Variants in DOCK2 observed in about 807,000 individuals in gnomAD.
DOCK2 encodes the protein dedicator of cytokinesis protein 2.
Under a neutral mutation model 248.9 loss-of-function variants are expected in DOCK2, and 87 were observed. That is an observed-to-expected ratio of 0.35 (90% CI 0.29 to 0.42). DOCK2 has a LOEUF of 0.42. Among genes scored for constraint, DOCK2 ranks in the 10% least tolerant of loss-of-function variants. The pLI, the probability that DOCK2 is intolerant of heterozygous loss-of-function variation, is 1.00. For missense variants in DOCK2, 1,747 were observed against 2,300.2 expected, an observed-to-expected ratio of 0.76 and a Z score of 4.92; for synonymous variants, 805 against 821.6, an observed-to-expected ratio of 0.98 and a Z score of 0.35.
rs146686394 is a variant in DOCK2, at chr5:169,705,173, C to CA, written c.1383+2750dup. Among the ~76,000 whole-genome samples, 998 of 152,164 alleles carry CA rather than the reference C, an allele frequency of 6.6e-3. 13 individuals carry two copies. Among genetic ancestry groups the CA allele is most frequent in the African/African-American group, 0.023 (953 of 41,522 alleles). ...GTGAGACCCTTTCTCAACAAACAGACAAAACACGCCATAGGTATAAGGCAC... is the reference window on the plus strand; with the variant it reads ...GTGAGACCCTTTCTCAACAAACAGACAAAAACACGCCATAGGTATAAGGCAC... On this transcript the variant is annotated intron_variant, in intron 14 of 51. Coordinates refer to ENST00000520908, the MANE Select transcript of DOCK2 (RefSeq NM_004946.3).
intron 30 of DOCK2, among the ~76,000 whole-genome samples, chr5:169,998,705 A>C (rs1049633069): frequency 4.6e-5 from 7 of 152,226 alleles, no homozygotes; most frequent in Non-Finnish European, 1.0e-4. Flanking sequence ...GGTGGCTGAC[A>C]CCAAAGCCCA....
At chr5:169,656,428 A>C (rs538904639) in intron 2 of DOCK2, among the ~76,000 whole-genome samples, 1 of 151,682 alleles carries the variant, frequency 6.6e-6, no homozygotes, top group East Asian at 1.9e-4. Flanking sequence ...GATTCAACTG[A>C]TTCTTGCGCC....
rs78179743 is a variant in DOCK2 at position 169,772,561 on chromosome 5, C to T, written c.2554+10936C>T. On this transcript the variant is annotated intron_variant, in intron 25 of 51. Transcript: ENST00000520908. ...CTCATTTAGTGCACAGTTGTGAGAT[C>T]TTGGGCATGTCCCTTAACCTCTGTA... is the stretch of plus-strand genomic sequence containing the variant. Among the ~76,000 whole-genome samples the T allele has an allele frequency of 5.9e-5, 9 of 152,298 alleles. No homozygotes were observed. The East Asian group carries it at 1.4e-3, about 23-fold the overall frequency.
chr5:169,775,156 C>A (rs1191790355), intron 25 of DOCK2, among the ~76,000 whole-genome samples: 14 of 152,118 alleles, frequency 9.2e-5, no homozygotes, highest in Admixed American at 9.2e-4. Context: ...GTGATCTGCC[C>A]ACCTCGGCCT....
intron 46 of DOCK2, among the ~76,000 whole-genome samples, chr5:170,071,054 C>T (rs1255855232): frequency 6.6e-6 from 1 of 152,220 alleles, no homozygotes; most frequent in East Asian, 1.9e-4. Flanking sequence ...AGAGGCCCAC[C>T]TAACCCCCAA....
intron 49 of DOCK2, chr5:170,079,478 G>A (rs1757951247): frequency 3.4e-6 from 1 of 295,782 alleles, no homozygotes; most frequent in African/African-American, 2.1e-5. Flanking sequence ...AGCCCACTTG[G>A]TACTGAGCTA....
intron 26 of DOCK2, among the ~76,000 whole-genome samples, chr5:169,833,400 G>A (rs1051821147): frequency 1.3e-5 from 2 of 152,140 alleles, no homozygotes; most frequent in Admixed American, 6.5e-5. Context: ...GGAATCATAC[G>A]GAAAGTTAGT....
intron 27 of DOCK2, among the ~76,000 whole-genome samples, chr5:169,865,272 G>A (rs1771474234): frequency 6.6e-6 from 1 of 152,166 alleles, no homozygotes; most frequent in South Asian, 2.1e-4. Context: ...CACAAACATT[G>A]AGGAGGTAAA....
At chr5:170,028,042 TC>T (rs912298798) in intron 34 of DOCK2, 94 bp downstream of exon 34, 3 of 1,114,558 alleles carry the variant, frequency 2.7e-6, no homozygotes, top group African/African-American at 3.2e-5. Flanking sequence ...GGCTCTGTCC[TC>T]CCCTGGAGAT....
At chr5:169,762,996 G>A (rs369568949) in intron 25 of DOCK2, among the ~76,000 whole-genome samples, 4 of 152,220 alleles carry the variant, frequency 2.6e-5, no homozygotes, top group African/African-American at 9.6e-5. Context: ...TCTCCCCAGA[G>A]TTAAGGGTAG....
chr5:170,046,424 T>G (rs1315202532), intron 39 of DOCK2, among the ~76,000 whole-genome samples: 1 of 152,180 alleles, frequency 6.6e-6, no homozygotes, highest in Non-Finnish European at 1.5e-5. Flanking sequence ...AGTTGGACTC[T>G]GCAGGGAAAT....
rs112100156 is a variant in DOCK2 at position 169,848,191 on chromosome 5, G to A, written c.2799+7339G>A. 3.3e-4 allele frequency among the ~76,000 whole-genome samples: 51 copies of A among 152,326 alleles called. 1 individual carries two copies. The highest frequency in any genetic ancestry group is 1.2e-3 in the African/African-American group (49 of 41,578). On this transcript the variant is annotated intron_variant, in intron 27 of 51. Coordinates refer to ENST00000520908, the MANE Select transcript of DOCK2 (RefSeq NM_004946.3). ...TTTTTTGAAAAGTTTGACTCAAAAT[G>A]CCTACTGTGTAATGGATTGCACCTT... is the stretch of plus-strand genomic sequence containing the variant.
chr5:169,998,156 C>A, intron 30 of DOCK2: 1 of 413,718 alleles, frequency 2.4e-6, no homozygotes, highest in South Asian at 1.8e-5. Context: ...GGAGTCTCTT[C>A]ATAGCACTAA....
chr5:169,845,117 C>T (rs1770227431), intron 27 of DOCK2, among the ~76,000 whole-genome samples: 1 of 150,546 alleles, frequency 6.6e-6, no homozygotes, highest in Admixed American at 6.7e-5. Context: ...CCACTCCACA[C>T]TCCACCTGAA....
chr5:169,882,218 C>T (rs942557097), intron 27 of DOCK2, among the ~76,000 whole-genome samples: 1 of 152,128 alleles, frequency 6.6e-6, no homozygotes, highest in Admixed American at 6.5e-5. Context: ...GAAGTGCCTT[C>T]CTGCTATCAT....
chr5:169,999,474 ATGTGTCAGGGC>A, intron 30 of DOCK2, among the ~76,000 whole-genome samples: 1 of 152,278 alleles, frequency 6.6e-6, no homozygotes, highest in Middle Eastern at 3.4e-3. Flanking sequence ...ATGCCCCTAA[ATGTGTCAGGGC>A]TGGGAATGCA....
At chr5:169,686,227 G>A (rs938119667) in intron 8 of DOCK2, among the ~76,000 whole-genome samples, 7 of 152,230 alleles carry the variant, frequency 4.6e-5, no homozygotes, top group Non-Finnish European at 8.8e-5. Context: ...AGAGGAAACA[G>A]TATGGGGCCT....
chr5:170,066,847 G>A (rs1561906361), intron 44 of DOCK2, among the ~76,000 whole-genome samples: 1 of 152,132 alleles, frequency 6.6e-6, no homozygotes, highest in Admixed American at 6.5e-5. Context: ...AGTTGCAGCA[G>A]ACACCATCTG....
chr5:170,029,226 CTTG>C (rs1318236001), intron 34 of DOCK2, among the ~76,000 whole-genome samples: 1 of 152,172 alleles, frequency 6.6e-6, no homozygotes, highest in African/African-American at 2.4e-5. Context: ...TCTCTACATT[CTTG>C]TTAACACTTG....
Sources: gnomAD v4.1 joint callset for allele counts (sites outside exome capture counted in the v4.1 genomes callset) on GRCh38, gnomAD v4.1.1 for gene constraint, MANE v1.5 for transcripts, NCBI Gene and HGNC (gene_info 2026-07-23, HGNC 2026-07-21) for gene names.